PWWP2A: variants seen among roughly 807,000 people sequenced by gnomAD.
The protein encoded by PWWP2A is PWWP domain-containing protein 2A.
Under a neutral mutation model 48.5 loss-of-function variants are expected in PWWP2A, and 18 were observed. The ratio of observed to expected loss-of-function variants is 0.37; its 90% CI spans 0.26 to 0.55. The LOEUF (loss-of-function observed/expected upper bound fraction) is 0.55, where lower values mean the gene tolerates loss of function less well. PWWP2A is among the 20% of genes least tolerant of loss of function. The probability of loss-of-function intolerance (pLI) is 0.81; values close to 1 mark genes in which losing one functional copy is unlikely to be tolerated. For synonymous variants in PWWP2A, 396 were observed against 387.7 expected (o/e 1.02, Z -0.25); for missense variants, 867 against 976.4 (o/e 0.89, Z 1.49).
chr5:160,078,276 C>T lies in PWWP2A; in HGVS notation c.1670-108G>A, dbSNP rs1753992631. The T allele has an allele frequency of 7.8e-6, 7 of 897,742 alleles. No homozygotes were observed. The Middle Eastern group carries it at 9.1e-4, about 117-fold the overall frequency. 55.6% of individuals were successfully genotyped at this position (897,742 alleles called of 1,614,324 possible). A position where few individuals can be genotyped will look rare whatever the true frequency, so the allele number is the denominator to read the frequency against. On this transcript the variant is annotated intron_variant, in intron 3 of 3. Transcript: ENST00000456329. This position sits in a 1 kb window ranked among gnomAD's most constrained non-coding sequence, Gnocchi z 4.2. ...CCCTACATAGATTGTGGGATCACAC[C>T]TGATTTTTTCTTTTAAATCGGTTAA... is the stretch of plus-strand genomic sequence containing the variant.
chr5:160,077,815 A>C lies in PWWP2A; in HGVS notation c.*340T>G, dbSNP rs1753962154. 3.7e-6 allele frequency: 1 copy of C among 268,088 alleles called. No homozygotes were observed. Among genetic ancestry groups the C allele is most frequent in the Non-Finnish European group, 7.2e-6 (1 of 139,576 alleles). 16.6% of individuals were successfully genotyped at this position (268,088 alleles called of 1,614,324 possible). ...CATCCCATGCCTTTTAGGCCTGTCC[A>C]AACTGTACTGATAAGAACTTCACAT... On this transcript the variant is annotated 3_prime_UTR_variant, in exon 4 of 4. Coordinates refer to the PWWP2A transcript ENST00000456329. This position sits in a 1 kb window ranked among gnomAD's most constrained non-coding sequence, Gnocchi z 4.2.
chr5:160,047,509 G>A, the PWWP2A span, among the ~76,000 whole-genome samples: 2 of 152,136 alleles, frequency 1.3e-5, no homozygotes, highest in African/African-American at 4.8e-5. Context: ...CACTGCATTA[G>A]CTTTCCAGCT....
Position 160,119,002 on chromosome 5 carries a change from C to G in PWWP2A, c.387G>C (p.Glu129Asp). ...GCTGAGGCAGCGGCGGCTCCTCGCGCTCCTCGGGAGCCGGGGGCTGCTCCG... is the reference window on the plus strand; with the variant it reads ...GCTGAGGCAGCGGCGGCTCCTCGCGGTCCTCGGGAGCCGGGGGCTGCTCCG... ...SPPEQPPAPEEREEPPLPQPV... is the reference protein window; with the variant it reads ...SPPEQPPAPEDREEPPLPQPV... The change falls in exon 1 of 2, where the codon GAG becomes GAC. Residue 129 changes from glutamate to aspartate, a missense_variant. This residue lies in a region of PWWP2A where 385 missense variants were observed against 396.9 expected (regional missense o/e 0.97). Coordinates refer to ENST00000307063, the MANE Select transcript of PWWP2A (RefSeq NM_001130864.2). 1 of 1,599,204 alleles carries G rather than the reference C, an allele frequency of 6.3e-7. No homozygotes were observed. Among genetic ancestry groups the G allele is most frequent in the South Asian group, 1.1e-5 (1 of 90,046 alleles).
intron 1 of PWWP2A, among the ~76,000 whole-genome samples, chr5:160,098,571 G>C (rs190758885): frequency 1.3e-5 from 2 of 152,238 alleles, no homozygotes; most frequent in East Asian, 1.9e-4. Context: ...AATAAAATCA[G>C]AGTTAAGAGT....
At chr5:160,112,088 C>A (rs1275430833) in intron 1 of PWWP2A, among the ~76,000 whole-genome samples, 5 of 141,404 alleles carry the variant, frequency 3.5e-5, no homozygotes, top group African/African-American at 1.3e-4. Flanking sequence ...GAGTGTGCCA[C>A]CGCATTCTGG....
chr5:160,056,452 T>G, the PWWP2A span, among the ~76,000 whole-genome samples: 3 of 152,302 alleles, frequency 2.0e-5, no homozygotes, highest in South Asian at 6.2e-4. Context: ...CCTATAATCC[T>G]GGCACATTGG....
chr5:160,059,553 C>T (rs541244294), downstream of PWWP2A, among the ~76,000 whole-genome samples: 185 of 152,266 alleles, frequency 1.2e-3, no homozygotes, highest in African/African-American at 4.3e-3. Context: ...TCTGGCTCTT[C>T]CCTTTACTTG....
chr5:160,049,667 A>G, the PWWP2A span: 1 of 1,561,746 alleles, frequency 6.4e-7, no homozygotes, highest in South Asian at 1.2e-5. Context: ...TGTATGGTAA[A>G]ACCTAAAATT....
In PWWP2A at chr5:160,065,015, A is replaced by G. The variant is rs377412563; in HGVS notation, c.*237-1342T>C. ...TTTCCAGATCAAACAGGATTCCTCT[A>G]CCGGCTCGTACTCCATCAATTTCGT... On this transcript the variant is annotated intron_variant and NMD_transcript_variant, in intron 4 of 5. Transcript: ENST00000524050. 95 of 1,613,770 alleles carry G rather than the reference A, an allele frequency of 5.9e-5. No homozygotes were observed. The highest frequency in any genetic ancestry group is 7.5e-5 in the Non-Finnish European group (88 of 1,179,986).
chr5:160,115,137 CAAAAAAAAAAAAAAAA>C (rs535110852), intron 1 of PWWP2A, among the ~76,000 whole-genome samples: 43,308 of 89,876 alleles, frequency 0.48, 7,968 homozygotes, highest in East Asian at 0.63. Context: ...GAGACTCTGT[CAAAAAAAAAAAAAAAA>C]AAAAAAAAAA....
rs923734846 is a variant in PWWP2A at position 160,092,407 on chromosome 5, G to A, written c.2243C>T (p.Ala748Val). Residue 748 changes from alanine to valine, a missense_variant, in exon 2 of 2, where the codon GCT becomes GTT. By Grantham distance (64) the Ala-to-Val change is moderately conservative. Coordinates refer to ENST00000307063, the MANE Select transcript of PWWP2A (RefSeq NM_001130864.2). ...AAKQLTPEVR[A>V]LLTQFET ...TCACGTTTCAAACTGTGTCAACAAA[G>A]CCCGCACTTCGGGGGTCAGCTGCTT... The A allele has an allele frequency of 3.9e-6, 6 of 1,547,398 alleles. No homozygotes were observed. The South Asian group carries it at 7.2e-5, about 18-fold the overall frequency.
Position 160,118,912 on chromosome 5 carries a change from G to T in PWWP2A, c.477C>A (p.Gly159=), listed in dbSNP as rs771327067. The T allele has an allele frequency of 6.2e-7, 1 of 1,602,258 alleles. No individual in the cohort carries two copies. The highest frequency in any genetic ancestry group is 8.5e-7 in the Non-Finnish European group (1 of 1,175,242). The change falls in exon 1 of 2, where the codon GGC becomes GGA. Residue 159 remains glycine (G), a synonymous_variant. Transcript: ENST00000307063. ...GDSTVSQLIP[G]SEVRVTLDHI... Reference sequence around the variant, plus strand: ...GGTCCAGCGTGACCCGCACCTCCGAGCCCGGGATCAGTTGCGACACCGTGG... The same window carrying T: ...GGTCCAGCGTGACCCGCACCTCCGATCCCGGGATCAGTTGCGACACCGTGG...
Position 160,119,164 on chromosome 5 carries a change from C to T in PWWP2A, c.225G>A (p.Pro75=), listed in dbSNP as rs780600087. 6.6e-7 allele frequency: 1 copy of T among 1,525,736 alleles called. No individual in the cohort carries two copies. The highest frequency in any genetic ancestry group is 8.7e-7 in the Non-Finnish European group (1 of 1,152,666). The allele number at this position is 1,525,736 out of a possible 1,614,324, so 94.5% of individuals were successfully genotyped here. ...EPPLPPPPPP[P]GELARSPEAV... is the part of the protein sequence containing the mutation. ...CCTCTGGGCTGCGGGCGAGCTCCCCCGGCGGCGGCGGTGGCGGCGGGAGCG... is the reference window on the plus strand; with the variant it reads ...CCTCTGGGCTGCGGGCGAGCTCCCCTGGCGGCGGCGGTGGCGGCGGGAGCG... The change falls in exon 1 of 2, where the codon CCG becomes CCA. Residue 75 remains proline, a synonymous_variant. Coordinates refer to ENST00000307063, the MANE Select transcript of PWWP2A (RefSeq NM_001130864.2).
At chr5:160,054,559 C>T in the PWWP2A span, among the ~76,000 whole-genome samples, 5 of 150,420 alleles carry the variant, frequency 3.3e-5, no homozygotes, top group African/African-American at 9.8e-5. Flanking sequence ...TGCAGTGTTA[C>T]GATGGTACCA....
chr5:160,106,267 T>G (rs1581249462), intron 1 of PWWP2A, among the ~76,000 whole-genome samples: 1 of 152,342 alleles, frequency 6.6e-6, no homozygotes, highest in Middle Eastern at 3.4e-3. Context: ...ATATATCTAC[T>G]ATTATCTACC....
At position 160,066,296 on chromosome 5, in the gene PWWP2A, A is replaced by ATTTTTTTTTTTTTTTTTTTTTTT. The variant is rs59262456; in HGVS notation, c.*236+251_*236+252insAAAAAAAAAAAAAAAAAAAAAAA. Among the ~76,000 whole-genome samples, 38 of 94,782 alleles carry ATTTTTTTTTTTTTTTTTTTTTTT rather than the reference A, an allele frequency of 4.0e-4. 4 individuals are homozygous for ATTTTTTTTTTTTTTTTTTTTTTT. Among genetic ancestry groups the ATTTTTTTTTTTTTTTTTTTTTTT allele is most frequent in the African/African-American group, 1.4e-3 (35 of 24,624 alleles). The allele number at this position is 94,782 out of a possible 152,430, so 62.2% of individuals were successfully genotyped here. On this transcript the variant is annotated intron_variant and NMD_transcript_variant, in intron 4 of 5. Coordinates refer to the PWWP2A transcript ENST00000524050. ...AGCATTATGCTAGAAAGTGGTTCTC[A>ATTTTTTTTTTTTTTTTTTTTTTT]TTTTTTTTTTTTTTTTTTTGAGGGG... is the stretch of plus-strand genomic sequence containing the variant.
At chr5:160,072,562 AAAAT>A (rs1434738326), downstream of PWWP2A, among the ~76,000 whole-genome samples, 2 of 152,196 alleles carry the variant, frequency 1.3e-5, no homozygotes, top group South Asian at 2.1e-4. Flanking sequence ...CCGTCGCTAC[AAAAT>A]AAATACTTTT....
At chr5:160,107,957 C>T in intron 1 of PWWP2A, among the ~76,000 whole-genome samples, 1 of 151,984 alleles carries the variant, frequency 6.6e-6, no homozygotes, top group Non-Finnish European at 1.5e-5. Flanking sequence ...GCCAAGATTG[C>T]ACCATTGCAC....
At position 160,091,575 on chromosome 5, in the gene PWWP2A, A is replaced by G; in HGVS notation, c.*807T>C. The G allele has an allele frequency of 1.0e-6, 1 of 982,358 alleles. No individual in the cohort carries two copies. The highest frequency in any genetic ancestry group is 1.2e-6 in the Non-Finnish European group (1 of 828,702). 60.9% of individuals were successfully genotyped at this position (982,358 alleles called of 1,614,324 possible). A position where few individuals can be genotyped will look rare whatever the true frequency, so the allele number is the denominator to read the frequency against. ...GGACATATCCTAAGAATTTAGGAAC[A>G]GCCAGTCAGGAGAAATCTGACCAAA... On this transcript the variant is annotated 3_prime_UTR_variant, in exon 2 of 2. Transcript: ENST00000307063.
Sources: gnomAD v4.1 joint callset for allele counts (sites outside exome capture counted in the v4.1 genomes callset) on GRCh38, gnomAD v4.1.1 for gene constraint, gnomAD v4.1.1 regional missense constraint, Gnocchi (gnomAD v3.1) non-coding constraint, MANE v1.5 for transcripts, NCBI Gene and HGNC (gene_info 2026-07-23, HGNC 2026-07-21) for gene names.